PHACTR1: variants seen among roughly 807,000 people sequenced by gnomAD.
PHACTR1 encodes RPEL repeat containing 1.
A neutral mutation model predicts 69.2 loss-of-function variants in PHACTR1; 16 were observed. The ratio of observed to expected loss-of-function variants is 0.23; its 90% CI spans 0.16 to 0.35. PHACTR1 has a LOEUF of 0.35. PHACTR1 is among the 10% of genes least tolerant of loss of function. The pLI is 1.00. For synonymous variants in PHACTR1, 312 were observed against 284.5 expected, an observed-to-expected ratio of 1.10 and a Z score of -0.97; for missense variants, 510 against 734.7, an observed-to-expected ratio of 0.69 and a Z score of 3.54.
intron 5 of PHACTR1, among the ~76,000 whole-genome samples, chr6:13,059,298 A>AG (rs1807313209): frequency 1.3e-5 from 2 of 152,094 alleles, no homozygotes; most frequent in Admixed American, 1.3e-4. Flanking sequence ...TTGCCAGGGG[A>AG]GGGGGAAATG....
intron 12 of PHACTR1, chr6:13,280,993 T>C (rs1584434258): frequency 7.8e-7 from 1 of 1,289,604 alleles, no homozygotes; most frequent in South Asian, 1.2e-5. Flanking sequence ...ACTGTGACTC[T>C]GAGAGGCAGC....
chr6:12,729,607 G>A (rs941811771), intron 3 of PHACTR1, among the ~76,000 whole-genome samples: 1 of 152,166 alleles, frequency 6.6e-6, no homozygotes, highest in Non-Finnish European at 1.5e-5. Flanking sequence ...GTGAGGCTGT[G>A]CCATGCCAGA....
intron 10 of PHACTR1, among the ~76,000 whole-genome samples, chr6:13,262,542 G>A (rs190363795): frequency 6.6e-6 from 1 of 152,284 alleles, no homozygotes; most frequent in East Asian, 1.9e-4. Context: ...GTTACTAAAT[G>A]AGCATCTATT....
intron 13 of PHACTR1, 62 bp from the exon 14 acceptor site, chr6:13,286,084 G>C: frequency 7.2e-7 from 1 of 1,388,740 alleles, no homozygotes; most frequent in South Asian, 1.3e-5. Context: ...GGAATGAACT[G>C]AAAGGGGAGT....
intron 5 of PHACTR1, among the ~76,000 whole-genome samples, chr6:13,076,690 A>G (rs1481947806): frequency 6.7e-6 from 1 of 148,348 alleles, no homozygotes; most frequent in Non-Finnish European, 1.5e-5. Flanking sequence ...CTGAGAAGCA[A>G]ACAAGACAGA....
Position 13,053,407 on chromosome 6 carries a change from T to A in PHACTR1, c.293T>A (p.Leu98His), listed in dbSNP as rs746727398. 6.2e-7 allele frequency: 1 copy of A among 1,613,270 alleles called. No individual in the cohort carries two copies. The highest frequency in any genetic ancestry group is 1.1e-5 in the South Asian group (1 of 90,930). Residue 98 changes from leucine (L) to histidine (H), a missense_variant, in exon 5 of 15, where the codon CTC (leucine) becomes CAC (histidine). Around this residue, in one of 2 missense-constraint regions of PHACTR1, gnomAD observed 419 missense variants for 530.9 expected, o/e 0.79. Transcript: ENST00000332995. ...CTGGCGGCGATGCGTTCTGACTCCC[T>A]CGTCCCAGGCACCCACACCCCACCC... ...ERLAAMRSDS[L>H]VPGTHTPPIR...
rs934046256 is a variant in PHACTR1 at position 13,283,090 on chromosome 6, C to T, written c.1510-332C>T. On this transcript the variant is annotated intron_variant, in intron 12 of 14. Transcript: ENST00000332995. This position sits in a 1 kb window ranked among gnomAD's most constrained non-coding sequence, Gnocchi z 4.7. ...TATTGTTGAAGCTGGTGATAATACACCAAATTCATTACATTAGTCTCCTTC... is the reference window on the plus strand; with the variant it reads ...TATTGTTGAAGCTGGTGATAATACATCAAATTCATTACATTAGTCTCCTTC... Among the ~76,000 whole-genome samples, 4 of 151,912 alleles carry T rather than the reference C, an allele frequency of 2.6e-5. No homozygotes were observed. Among genetic ancestry groups the T allele is most frequent in the African/African-American group, 4.8e-5 (2 of 41,316 alleles).
At chr6:13,061,239 T>C (rs971571126) in intron 5 of PHACTR1, among the ~76,000 whole-genome samples, 12 of 152,296 alleles carry the variant, frequency 7.9e-5, no homozygotes, top group African/African-American at 2.6e-4. Context: ...TCAGATATCC[T>C]TCAATTTGTT....
chr6:13,109,186 TTA>T (rs1202620714), intron 5 of PHACTR1, among the ~76,000 whole-genome samples: 1 of 152,086 alleles, frequency 6.6e-6, no homozygotes, highest in Non-Finnish European at 1.5e-5. Context: ...ATACAGGTAA[TTA>T]TCTTTTAAAT....
chr6:13,223,690 T>C (rs1002007469), intron 8 of PHACTR1, among the ~76,000 whole-genome samples: 2 of 152,186 alleles, frequency 1.3e-5, no homozygotes, highest in African/African-American at 4.8e-5. Context: ...CTTTACCAAC[T>C]GTGTCCTTGT....
intron 4 of PHACTR1, among the ~76,000 whole-genome samples, chr6:12,916,482 A>G (rs368867690): frequency 1.3e-5 from 2 of 151,056 alleles, no homozygotes; most frequent in African/African-American, 4.8e-5. Flanking sequence ...ACAATATTTT[A>G]AATGACTTGT....
At chr6:13,142,739 G>A (rs374474412) in intron 5 of PHACTR1, among the ~76,000 whole-genome samples, 28 of 151,686 alleles carry the variant, frequency 1.8e-4, no homozygotes, top group East Asian at 1.6e-3. Flanking sequence ...CTGGATTCTC[G>A]ATTCTATTCC....
At chr6:13,102,377 G>A (rs1815315254) in intron 5 of PHACTR1, among the ~76,000 whole-genome samples, 1 of 152,150 alleles carries the variant, frequency 6.6e-6, no homozygotes, top group South Asian at 2.1e-4. Flanking sequence ...TTGGCCTTAT[G>A]AAAAACCATG....
In PHACTR1 at chr6:12,972,851, G is replaced by A. The variant is rs375671877; in HGVS notation, c.251-80514G>A. Among the ~76,000 whole-genome samples the A allele has an allele frequency of 2.9e-3, 444 of 152,050 alleles. 4 individuals carry two copies. Among genetic ancestry groups the A allele is most frequent in the African/African-American group, 0.01 (418 of 41,478 alleles). On this transcript the variant is annotated intron_variant, in intron 4 of 14. Transcript: ENST00000332995. Reference sequence around the variant, plus strand: ...TTTTCAGTAGAGACGGGGTTTCACCGTATTGATCAGGCTGGTCTCGAACTC... The same window carrying A: ...TTTTCAGTAGAGACGGGGTTTCACCATATTGATCAGGCTGGTCTCGAACTC...
Position 12,979,850 on chromosome 6 carries a change from C to T in PHACTR1, c.251-73515C>T, listed in dbSNP as rs530371411. On this transcript the variant is annotated intron_variant, in intron 4 of 14. Transcript: ENST00000332995. Reference sequence around the variant, plus strand: ...AAAATCAAACGCTAAAAGGTTGTTTCATCCTTTCGTTGTTGAATACCTGGT... The same window carrying T: ...AAAATCAAACGCTAAAAGGTTGTTTTATCCTTTCGTTGTTGAATACCTGGT... Among the ~76,000 whole-genome samples the T allele has an allele frequency of 5.2e-4, 79 of 152,146 alleles. No homozygotes were observed. In the South Asian group the frequency reaches 0.015, roughly 28 times the overall value.
intron 8 of PHACTR1, among the ~76,000 whole-genome samples, chr6:13,209,949 C>A (rs981821919): frequency 1.3e-5 from 2 of 152,148 alleles, no homozygotes; most frequent in African/African-American, 4.8e-5. Flanking sequence ...CCATCTTGTT[C>A]GTGTTCCCCT....
chr6:13,262,242 G>T (rs563796102), intron 10 of PHACTR1, among the ~76,000 whole-genome samples: 245 of 152,296 alleles, frequency 1.6e-3, no homozygotes, highest in Non-Finnish European at 2.8e-3. Flanking sequence ...CAGACAGGAT[G>T]ATTCCCAGTT....
chr6:13,148,333 A>G (rs1223532), intron 5 of PHACTR1, among the ~76,000 whole-genome samples: 106,572 of 151,952 alleles, frequency 0.7, 39,223 homozygotes, highest in South Asian at 0.85. Flanking sequence ...AATGTAAATT[A>G]CAGACGTCTG....
rs6924931 is a variant in PHACTR1 at position 13,179,388 on chromosome 6, C to T, written c.497-3131C>T. Among the ~76,000 whole-genome samples, 18,671 of 142,000 alleles carry T rather than the reference C, an allele frequency of 0.13. 1,449 individuals carry two copies. Among genetic ancestry groups the T allele is most frequent in the East Asian group, 0.24 (1,196 of 5,060 alleles). The allele number at this position is 142,000 out of a possible 152,430, so 93.2% of individuals were successfully genotyped here. ...TAGCTTAATGATGGGTATATACAGCCCATTACATTAATGTTTCGTGTGTGT... is the reference window on the plus strand; with the variant it reads ...TAGCTTAATGATGGGTATATACAGCTCATTACATTAATGTTTCGTGTGTGT... On this transcript the variant is annotated intron_variant, in intron 6 of 14. Transcript: ENST00000332995. The surrounding 1 kb of genome is among the most constrained non-coding windows in gnomAD (Gnocchi z 4.2).
Sources: allele counts gnomAD v4.1 joint callset (sites outside exome capture counted in the v4.1 genomes callset), GRCh38; gene constraint gnomAD v4.1.1; regional missense constraint gnomAD v4.1.1; non-coding constraint Gnocchi (gnomAD v3.1); transcripts MANE v1.5; gene names NCBI Gene and HGNC (gene_info 2026-07-23, HGNC 2026-07-21).